The following SRGAP2 variants were observed in gnomAD, a reference collection of about 807,000 sequenced individuals.
SRGAP2 encodes the protein SLIT-ROBO Rho GTPase-activating protein 2.
In SRGAP2, 15 loss-of-function variants were observed where a neutral mutation model predicts 57.2. That is an observed-to-expected ratio of 0.26 (90% CI 0.18 to 0.40). The LOEUF is 0.40. SRGAP2 is among the 10% of genes least tolerant of loss of function. SRGAP2 has a pLI of 1.00. For synonymous variants in SRGAP2, 249 were observed against 248.0 expected, an observed-to-expected ratio of 1.00 and a Z score of -0.04; for missense variants, 520 against 669.6, an observed-to-expected ratio of 0.78 and a Z score of 2.47.
chr1:206,431,987 A>G (rs1347993836), intron 14 of SRGAP2, among the ~76,000 whole-genome samples: 1 of 152,168 alleles, frequency 6.6e-6, no homozygotes, highest in African/African-American at 2.4e-5. Context: ...TGGAAGCCAG[A>G]CTCTTAGGGC....
intron 4 of SRGAP2, among the ~76,000 whole-genome samples, chr1:206,370,495 A>G (rs1654440266): frequency 6.6e-6 from 1 of 152,242 alleles, no homozygotes; most frequent in Non-Finnish European, 1.5e-5. Context: ...GAAGCTAAAC[A>G]TAAAAGGCCA....
intron 2 of SRGAP2, among the ~76,000 whole-genome samples, chr1:206,258,083 G>A (rs1456113169): frequency 2.0e-5 from 3 of 151,950 alleles, no homozygotes. Context: ...GTCAGTTGAG[G>A]GTGGAGCACA....
At position 206,461,038 on chromosome 1, in the gene SRGAP2, A is replaced by G. The variant is rs782738714; in HGVS notation, c.2834A>G (p.Asp945Gly). ...CTCCTCCTTTTTCCTGTTTTGCAGG[A>G]TATTGAGGCAACAATGAACTCGGCC... The part of the protein sequence containing the change: ...RPMDPEVIAQ[D>G]IEATMNSALN... The change falls in exon 23 of 23, where the codon GAT becomes GGT. Residue 945 changes from aspartate (D) to glycine (G), a missense_variant and splice_region_variant. Asp to Gly is a moderately conservative substitution (Grantham distance 94). Transcript: ENST00000573034. The G allele has an allele frequency of 1.4e-6, 1 of 693,082 alleles. No individual in the cohort carries two copies. The highest frequency in any genetic ancestry group is 2.5e-5 in the East Asian group (1 of 40,230). 42.9% of individuals were successfully genotyped at this position (693,082 alleles called of 1,614,324 possible). A position where few individuals can be genotyped will look rare whatever the true frequency, so the allele number is the denominator to read the frequency against.
chr1:206,313,897 G>C (rs1389039586), intron 3 of SRGAP2, among the ~76,000 whole-genome samples: 1 of 151,446 alleles, frequency 6.6e-6, no homozygotes, highest in Non-Finnish European at 1.5e-5. Flanking sequence ...ACCCACCCCT[G>C]TACTCCTAGA....
At chr1:206,307,527 G>A (rs1436204246) in intron 3 of SRGAP2, among the ~76,000 whole-genome samples, 2 of 152,094 alleles carry the variant, frequency 1.3e-5, no homozygotes, top group Non-Finnish European at 2.9e-5. Flanking sequence ...GGGAGGCTCC[G>A]GCCGCACAGG....
intron 13 of SRGAP2, among the ~76,000 whole-genome samples, chr1:206,423,585 A>G (rs1660508292): frequency 6.6e-6 from 1 of 152,128 alleles, no homozygotes; most frequent in Non-Finnish European, 1.5e-5. Context: ...GAGGCCCCAA[A>G]TCTTACCTTT....
Position 206,386,715 on chromosome 1 carries a change from C to T in SRGAP2, c.486+2639C>T, listed in dbSNP as rs533374605. 7.1e-5 allele frequency among the ~76,000 whole-genome samples: 10 copies of T among 141,164 alleles called. 1 individual carries two copies. The highest frequency in any genetic ancestry group is 7.1e-4 in the South Asian group (3 of 4,252). 92.6% of individuals were successfully genotyped at this position (141,164 alleles called of 152,430 possible). On this transcript the variant is annotated intron_variant, in intron 5 of 22. Coordinates refer to ENST00000573034, the MANE Select transcript of SRGAP2 (RefSeq NM_015326.5). Reference sequence around the variant, plus strand: ...TGGGGAGGCTGAGGCAGGAGAATGGCGTGAACCTGGGAGGCAGAGCTTGCA... The same window carrying T: ...TGGGGAGGCTGAGGCAGGAGAATGGTGTGAACCTGGGAGGCAGAGCTTGCA...
At position 206,414,095 on chromosome 1, in the gene SRGAP2, A is replaced by C. The variant is rs533961757; in HGVS notation, c.1357-1794A>C. ...CGCTCAGGCTGGAGTGCAGTGGTGC[A>C]ATCTTGGCTCGCTGCAAGCTCCGCC... On this transcript the variant is annotated intron_variant, in intron 10 of 22. Coordinates refer to ENST00000573034, the MANE Select transcript of SRGAP2 (RefSeq NM_015326.5). 1.5e-4 allele frequency among the ~76,000 whole-genome samples: 22 copies of C among 146,632 alleles called. No individual in the cohort carries two copies. The East Asian group carries it at 4.0e-3, about 26-fold the overall frequency.
chr1:206,370,665 A>C (rs1402831594), intron 4 of SRGAP2, among the ~76,000 whole-genome samples: 2 of 152,208 alleles, frequency 1.3e-5, no homozygotes, highest in East Asian at 3.8e-4. Context: ...TTCGGGACTT[A>C]GTGGTGGTGG....
intron 1 of SRGAP2, 161 bp downstream of exon 1, chr1:206,203,811 C>T: frequency 6.5e-7 from 1 of 1,530,870 alleles, no homozygotes; most frequent in East Asian, 2.5e-5. Flanking sequence ...CCCCCTCCAC[C>T]CTCTCCAAAT....
At position 206,373,748 on chromosome 1, in the gene SRGAP2, A is replaced by G. The variant is rs377697022; in HGVS notation, c.424-10266A>G. Among the ~76,000 whole-genome samples, 150 of 97,744 alleles carry G rather than the reference A, an allele frequency of 1.5e-3. 3 individuals carry two copies. The East Asian group carries it at 0.035, about 23-fold the overall frequency. The allele number at this position is 97,744 out of a possible 152,430, so 64.1% of individuals were successfully genotyped here. On this transcript the variant is annotated intron_variant, in intron 4 of 22. Transcript: ENST00000573034. ...GACTCTGTCTCAAAAAAGAAGAGAG[A>G]GAGACATTTCCTAGTAAAGACTAAG...
chr1:206,414,628 A>G (rs1037781206), intron 10 of SRGAP2, among the ~76,000 whole-genome samples: 1 of 151,808 alleles, frequency 6.6e-6, no homozygotes, highest in Non-Finnish European at 1.5e-5. Flanking sequence ...GCAAACTAAG[A>G]CCCCCAAGAA....
At chr1:206,426,487 A>G (rs1660808479) in intron 13 of SRGAP2, among the ~76,000 whole-genome samples, 1 of 152,232 alleles carries the variant, frequency 6.6e-6, no homozygotes, top group African/African-American at 2.4e-5. Flanking sequence ...TTTTGGATCT[A>G]TAGCCAGCAG....
intron 19 of SRGAP2, among the ~76,000 whole-genome samples, 161 bp downstream of exon 19, chr1:206,450,626 G>A (rs1396589532): frequency 6.6e-6 from 1 of 152,168 alleles, no homozygotes; most frequent in Non-Finnish European, 1.5e-5. Flanking sequence ...CCTTGGAGAG[G>A]TAGCCCACCT....
chr1:206,460,631 A>G (rs1284111751), intron 22 of SRGAP2, among the ~76,000 whole-genome samples: 1 of 152,176 alleles, frequency 6.6e-6, no homozygotes, highest in Non-Finnish European at 1.5e-5. Flanking sequence ...TTTATTATGT[A>G]CAATTTCAAA....
At chr1:206,390,992 A>G (rs1303239716) in intron 5 of SRGAP2, among the ~76,000 whole-genome samples, 2 of 152,138 alleles carry the variant, frequency 1.3e-5, no homozygotes, top group Non-Finnish European at 2.9e-5. Context: ...AGATTAGTAT[A>G]CCCACAAAGT....
intron 14 of SRGAP2, among the ~76,000 whole-genome samples, chr1:206,432,585 A>G (rs780161034): frequency 4.4e-4 from 67 of 152,244 alleles, no homozygotes; most frequent in Non-Finnish European, 7.6e-4. Context: ...ATGGAGTACT[A>G]TATAAGAATG....
intron 17 of SRGAP2, 121 bp downstream of exon 17, chr1:206,440,202 C>T (rs1662149249): frequency 6.1e-6 from 4 of 658,180 alleles, no homozygotes; most frequent in Non-Finnish European, 1.1e-5. Context: ...CTACTGTGTG[C>T]TAGCCACAGT....
chr1:206,348,211 A>G (rs1305191840), intron 4 of SRGAP2, among the ~76,000 whole-genome samples: 1 of 151,490 alleles, frequency 6.6e-6, no homozygotes, highest in African/African-American at 2.4e-5. Flanking sequence ...AAACAGACTG[A>G]CTTTGTCTAG....
Sources: allele counts gnomAD v4.1 joint callset (sites outside exome capture counted in the v4.1 genomes callset), GRCh38; gene constraint gnomAD v4.1.1; transcripts MANE v1.5; gene names NCBI Gene and HGNC (gene_info 2026-07-23, HGNC 2026-07-21).